The following SLC20A2 variants were observed in gnomAD, a reference collection of about 807,000 sequenced individuals.
SLC20A2 encodes sodium-dependent phosphate transporter 2.
Under a neutral mutation model 61.0 loss-of-function variants are expected in SLC20A2, and 30 were observed. That is an observed-to-expected ratio of 0.49 (90% CI 0.37 to 0.67). The LOEUF is 0.67. Among genes scored for constraint, SLC20A2 ranks in the 30% least tolerant of loss-of-function variants. The pLI is 0.00. For synonymous variants in SLC20A2, 351 were observed against 353.3 expected (o/e 0.99, Z 0.07); for missense variants, 626 against 866.4 (o/e 0.72, Z 3.48).
chr8:42,534,247 C>A (rs12674773), intron 1 of SLC20A2, among the ~76,000 whole-genome samples: 1 of 151,970 alleles, frequency 6.6e-6, no homozygotes, highest in South Asian at 2.1e-4. Flanking sequence ...TCATCGCACT[C>A]CAACCAGTCT....
intron 1 of SLC20A2, among the ~76,000 whole-genome samples, chr8:42,485,911 A>G (rs945270942): frequency 6.7e-6 from 1 of 149,182 alleles, no homozygotes; most frequent in African/African-American, 2.5e-5. Flanking sequence ...GCGCTGCTGC[A>G]CTCCACCCTG....
At chr8:42,433,611 T>C (rs139259207) in intron 8 of SLC20A2, among the ~76,000 whole-genome samples, 55 of 152,300 alleles carry the variant, frequency 3.6e-4, no homozygotes, top group Non-Finnish European at 7.1e-4. Flanking sequence ...GCATGAGTAG[T>C]ATTTATCTTT....
chr8:42,487,089 T>C (rs1275410102), intron 1 of SLC20A2, among the ~76,000 whole-genome samples: 1 of 151,880 alleles, frequency 6.6e-6, no homozygotes, highest in Non-Finnish European at 1.5e-5. Flanking sequence ...GGTCTGGAAC[T>C]CCTGACCTCA....
At chr8:42,540,081 C>A (rs528972552) in intron 1 of SLC20A2, among the ~76,000 whole-genome samples, 1 of 152,168 alleles carries the variant, frequency 6.6e-6, no homozygotes, top group African/African-American at 2.4e-5. Context: ...CACCTGAGGT[C>A]TGGAGTTCGA....
chr8:42,440,671 C>T (rs1804702709), intron 6 of SLC20A2, among the ~76,000 whole-genome samples: 1 of 152,158 alleles, frequency 6.6e-6, no homozygotes, highest in Non-Finnish European at 1.5e-5. Flanking sequence ...AAGTGCTAGC[C>T]ATATAAGAAG....
chr8:42,471,309 G>C (rs996571246), intron 2 of SLC20A2: 2 of 442,650 alleles, frequency 4.5e-6, no homozygotes, highest in African/African-American at 4.0e-5. Flanking sequence ...CCACGGGGCC[G>C]AGATCTGTGT....
At chr8:42,421,529 G>A (rs1803036701) in intron 10 of SLC20A2, among the ~76,000 whole-genome samples, 1 of 152,216 alleles carries the variant, frequency 6.6e-6, no homozygotes, top group Admixed American at 6.5e-5. Context: ...TATCGGCCGG[G>A]TGCGGTGGCT....
chr8:42,423,290 T>G (rs1014951376), intron 10 of SLC20A2, among the ~76,000 whole-genome samples: 3 of 152,008 alleles, frequency 2.0e-5, no homozygotes, highest in Non-Finnish European at 4.4e-5. Context: ...TAGTTTAATT[T>G]TATTGTAATT....
At chr8:42,465,704 AG>A in intron 3 of SLC20A2, 72 bp downstream of exon 3, 1 of 1,430,244 alleles carries the variant, frequency 7.0e-7, no homozygotes. Flanking sequence ...AAAAAAAAAA[AG>A]TAACTTGTAA....
At chr8:42,446,860 A>C (rs1805253418) in intron 5 of SLC20A2, among the ~76,000 whole-genome samples, 1 of 152,192 alleles carries the variant, frequency 6.6e-6, no homozygotes, top group Admixed American at 6.5e-5. Flanking sequence ...AAAAAAAGTA[A>C]AAAACAAAAT....
intron 7 of SLC20A2, among the ~76,000 whole-genome samples, 190 bp downstream of exon 7, chr8:42,439,260 A>T (rs2131020732): frequency 6.6e-6 from 1 of 152,352 alleles, no homozygotes; most frequent in South Asian, 2.1e-4. Context: ...ACAGGACAAG[A>T]GTGAGCCTGC....
intron 5 of SLC20A2, among the ~76,000 whole-genome samples, chr8:42,458,940 A>ACC (rs765231520): frequency 0.063 from 6,560 of 103,908 alleles, 476 homozygotes; most frequent in African/African-American, 0.16. Context: ...ATAATTTTTA[A>ACC]CCCCCCCCCC....
intron 5 of SLC20A2, among the ~76,000 whole-genome samples, chr8:42,459,516 C>A (rs1339502481): frequency 6.6e-6 from 1 of 152,136 alleles, no homozygotes; most frequent in African/African-American, 2.4e-5. Flanking sequence ...TCTCCTGACC[C>A]CTGCACAACC....
At chr8:42,539,876 C>A (rs1057201063) in intron 1 of SLC20A2, among the ~76,000 whole-genome samples, 1 of 152,180 alleles carries the variant, frequency 6.6e-6, no homozygotes, top group Non-Finnish European at 1.5e-5. Context: ...AATAAAGGGA[C>A]TAATTGTACT....
chr8:42,515,389 T>C (rs1417713296), intron 1 of SLC20A2, among the ~76,000 whole-genome samples: 2 of 152,062 alleles, frequency 1.3e-5, no homozygotes, highest in Non-Finnish European at 2.9e-5. Flanking sequence ...ATACAAGACA[T>C]ACAGATGACA....
intron 2 of SLC20A2, among the ~76,000 whole-genome samples, chr8:42,470,515 G>A (rs894893087): frequency 2.6e-5 from 4 of 152,088 alleles, no homozygotes; most frequent in South Asian, 2.1e-4. Context: ...AACACAAAGC[G>A]TCAAGCTGAG....
chr8:42,427,721 C>G (rs901544372), intron 10 of SLC20A2, among the ~76,000 whole-genome samples: 2 of 152,178 alleles, frequency 1.3e-5, no homozygotes, highest in African/African-American at 4.8e-5. Context: ...CTTGTGAGGG[C>G]CACCTGACCT....
chr8:42,467,920 T>TC (rs1807310523), intron 2 of SLC20A2, among the ~76,000 whole-genome samples: 1 of 151,742 alleles, frequency 6.6e-6, no homozygotes, highest in Non-Finnish European at 1.5e-5. Flanking sequence ...TGGTTTATAT[T>TC]CTTTTTTTTT....
intron 1 of SLC20A2, among the ~76,000 whole-genome samples, chr8:42,486,154 G>A (rs1808991288): frequency 6.6e-6 from 1 of 152,030 alleles, no homozygotes; most frequent in South Asian, 2.1e-4. Context: ...GTGTGTGTGT[G>A]TGTGTGTGTG....
Sources: gnomAD v4.1 joint callset for allele counts (sites outside exome capture counted in the v4.1 genomes callset) on GRCh38, gnomAD v4.1.1 for gene constraint, MANE v1.5 for transcripts, NCBI Gene and HGNC (gene_info 2026-07-23, HGNC 2026-07-21) for gene names.